Variants in CDH10 observed in about 807,000 individuals in gnomAD.
CDH10 encodes cadherin-10.
In CDH10, 30 loss-of-function variants were observed where a neutral mutation model predicts 73.1. The observed-to-expected ratio is 0.41, with a 90% CI of 0.31 to 0.56. The LOEUF is 0.56. CDH10 is among the 20% of genes least tolerant of loss of function. The probability of loss-of-function intolerance (pLI) is 0.27; values close to 1 mark genes in which losing one functional copy is unlikely to be tolerated. For synonymous variants in CDH10, 345 were observed against 348.2 expected, an observed-to-expected ratio of 0.99 and a Z score of 0.10; for missense variants, 815 against 973.7, an observed-to-expected ratio of 0.84 and a Z score of 2.17.
chr5:24,619,096 G>T lies in CDH10; in HGVS notation c.-123-25483C>A, dbSNP rs73054525. On this transcript the variant is annotated intron_variant, in intron 1 of 11. Transcript: ENST00000264463. ...GTGCCTGTCCCACCACTGCACGTTG[G>T]AAGTACATAACATGTTTGATTCCAC... Among the ~76,000 whole-genome samples, 487 of 152,174 alleles carry T rather than the reference G, an allele frequency of 3.2e-3. 4 individuals carry two copies. Among genetic ancestry groups the T allele is most frequent in the African/African-American group, 0.011 (460 of 41,520 alleles).
At chr5:24,496,847 T>C (rs1742307959) in intron 9 of CDH10, among the ~76,000 whole-genome samples, 1 of 152,222 alleles carries the variant, frequency 6.6e-6, no homozygotes, top group South Asian at 2.1e-4. Context: ...TCTCATCCCT[T>C]AATATATAAC....
chr5:24,625,065 A>G lies in CDH10; in HGVS notation c.-124+19529T>C, dbSNP rs183820847. 1.9e-3 allele frequency among the ~76,000 whole-genome samples: 291 copies of G among 152,282 alleles called. 2 individuals carry two copies. The highest frequency in any genetic ancestry group is 6.6e-3 in the African/African-American group (274 of 41,580). The stretch of plus-strand genomic sequence containing the variant: ...CTTAGGGCACCCTTTGAAGTTTAAA[A>G]GAGATAAATATAGGAAAATAATGGG... On this transcript the variant is annotated intron_variant, in intron 1 of 11. Coordinates refer to ENST00000264463, the MANE Select transcript of CDH10 (RefSeq NM_006727.5).
At chr5:24,613,942 G>A (rs916071701) in intron 1 of CDH10, among the ~76,000 whole-genome samples, 4 of 151,930 alleles carry the variant, frequency 2.6e-5, no homozygotes, top group Admixed American at 2.0e-4. Context: ...GGACAAATTC[G>A]ACTTTGCATC....
chr5:24,595,735 C>T (rs1746350498), intron 1 of CDH10, among the ~76,000 whole-genome samples: 1 of 151,950 alleles, frequency 6.6e-6, no homozygotes, highest in African/African-American at 2.4e-5. Flanking sequence ...AAGAAACAGT[C>T]ATTCTCATTT....
chr5:24,581,160 T>A (rs1489884064), intron 2 of CDH10, among the ~76,000 whole-genome samples: 1 of 152,138 alleles, frequency 6.6e-6, no homozygotes, highest in Non-Finnish European at 1.5e-5. Flanking sequence ...CCCGACCCAT[T>A]ACCTCTTTTC....
intron 1 of CDH10, among the ~76,000 whole-genome samples, chr5:24,625,215 G>A (rs571308103): frequency 6.6e-6 from 1 of 152,034 alleles, no homozygotes; most frequent in African/African-American, 2.4e-5. Context: ...ACTATTAAAG[G>A]GAATTGGCCC....
chr5:24,619,412 C>A (rs1489022055), intron 1 of CDH10, among the ~76,000 whole-genome samples: 1 of 152,116 alleles, frequency 6.6e-6, no homozygotes, highest in Non-Finnish European at 1.5e-5. Context: ...CCAGGATGGT[C>A]TCAATCTCCT....
intron 5 of CDH10, among the ~76,000 whole-genome samples, chr5:24,521,320 G>A (rs990579861): frequency 3.3e-5 from 5 of 152,138 alleles, no homozygotes; most frequent in Admixed American, 6.5e-5. Context: ...CGAGGTGGGC[G>A]GATCACCTGA....
intron 8 of CDH10, among the ~76,000 whole-genome samples, chr5:24,502,824 G>A (rs1263698273): frequency 3.3e-5 from 5 of 152,206 alleles, no homozygotes; most frequent in African/African-American, 1.2e-4. Context: ...ATCATGTTAG[G>A]TACATCTAAC....
rs1431806065 is a variant in CDH10 at position 24,573,395 on chromosome 5, G to A, written c.231+19865C>T. Among the ~76,000 whole-genome samples the A allele has an allele frequency of 2.0e-5, 3 of 151,900 alleles. No individual in the cohort carries two copies. The East Asian group carries it at 5.8e-4, about 29-fold the overall frequency. ...TTTCCAAGAGTACCAGAATAATGAG[G>A]AAAGAAAGTTTAAAGACAAAAGCAG... is the stretch of plus-strand genomic sequence containing the variant. On this transcript the variant is annotated intron_variant, in intron 2 of 11. Transcript: ENST00000264463.
chr5:24,564,010 G>C (rs987461554), intron 2 of CDH10, among the ~76,000 whole-genome samples: 1 of 151,750 alleles, frequency 6.6e-6, no homozygotes. Context: ...CTTGCTTTTC[G>C]GCCCAAGAAG....
At chr5:24,501,537 C>A (rs1742494399) in intron 8 of CDH10, among the ~76,000 whole-genome samples, 1 of 152,162 alleles carries the variant, frequency 6.6e-6, no homozygotes, top group African/African-American at 2.4e-5. Context: ...GGAAACACTA[C>A]TATAGCAAGA....
At chr5:24,536,762 A>G (rs1213470222) in intron 3 of CDH10, among the ~76,000 whole-genome samples, 4 of 152,020 alleles carry the variant, frequency 2.6e-5, no homozygotes, top group Non-Finnish European at 2.9e-5. Context: ...AGGTTCCACA[A>G]TCTAACTTGG....
intron 6 of CDH10, among the ~76,000 whole-genome samples, chr5:24,510,923 C>T (rs898125907): frequency 6.6e-6 from 1 of 152,134 alleles, no homozygotes; most frequent in South Asian, 2.1e-4. Flanking sequence ...ATTAGTAACT[C>T]TAATTATTGC....
chr5:24,527,325 A>G (rs927605665), intron 5 of CDH10, among the ~76,000 whole-genome samples: 6 of 148,032 alleles, frequency 4.1e-5, no homozygotes, highest in Non-Finnish European at 7.4e-5. Flanking sequence ...ACAGTCTTAT[A>G]TATATTTATA....
At chr5:24,614,166 G>T (rs1747052021) in intron 1 of CDH10, among the ~76,000 whole-genome samples, 1 of 152,114 alleles carries the variant, frequency 6.6e-6, no homozygotes, top group Non-Finnish European at 1.5e-5. Context: ...ATCCAAAAAT[G>T]TTAAAACAAT....
At chr5:24,584,330 C>CT (rs532620794) in intron 2 of CDH10, among the ~76,000 whole-genome samples, 183 of 149,240 alleles carry the variant, frequency 1.2e-3, no homozygotes, top group South Asian at 3.4e-3. Context: ...ATTAGCATGT[C>CT]TTTTTTTTCT....
At chr5:24,586,843 C>CTTTTTTTT (rs1001227038) in intron 2 of CDH10, among the ~76,000 whole-genome samples, 1,165 of 102,682 alleles carry the variant, frequency 0.011, 124 homozygotes, top group African/African-American at 0.037. Context: ...AGCCCATATT[C>CTTTTTTTT]TTTTTTTTTT....
chr5:24,552,764 T>C (rs1198355796), intron 2 of CDH10, among the ~76,000 whole-genome samples: 1 of 152,164 alleles, frequency 6.6e-6, no homozygotes, highest in Non-Finnish European at 1.5e-5. Context: ...ATTCTTATTT[T>C]TCTGTGCTCC....
Sources: gnomAD v4.1 joint callset for allele counts (sites outside exome capture counted in the v4.1 genomes callset) on GRCh38, gnomAD v4.1.1 for gene constraint, MANE v1.5 for transcripts, NCBI Gene and HGNC (gene_info 2026-07-23, HGNC 2026-07-21) for gene names.